The following ADAMTSL5 variants were observed in gnomAD, a reference collection of about 807,000 sequenced individuals.
The protein encoded by ADAMTSL5 is ADAMTS-like protein 5.
ADAMTSL5 carries 53 observed loss-of-function variants against 51.7 expected under a neutral mutation model. The observed-to-expected ratio is 1.03, with a 90% confidence interval of 0.82 to 1.29. ADAMTSL5 has a LOEUF of 1.29. ADAMTSL5 is among the 50% of genes most tolerant of loss of function. The probability of loss-of-function intolerance (pLI) is 0.00; values close to 1 mark genes in which losing one functional copy is unlikely to be tolerated. For missense variants in ADAMTSL5, 770 were observed against 676.2 expected, an observed-to-expected ratio of 1.14 and a Z score of -1.54; for synonymous variants, 285 against 278.7, an observed-to-expected ratio of 1.02 and a Z score of -0.23.
chr19:1,507,076 A>G, intron 9 of ADAMTSL5, 148 bp from the exon 10 acceptor site: 2 of 1,219,648 alleles, frequency 1.6e-6, no homozygotes, highest in Non-Finnish European at 2.2e-6. Context: ...ATCCCCTCTG[A>G]CCCTGTCCCC....
In ADAMTSL5 at chr19:1,505,950, C is replaced by T. The variant is rs894717649; in HGVS notation, c.*65G>A. On this transcript the variant is annotated 3_prime_UTR_variant, in exon 12 of 12. Transcript: ENST00000330475. ...GGAAGCCAGGGTGAGAGGGGAAATA[C>T]GTTGACGTTGAGGCTGGTCAGATGT... 4.2e-6 allele frequency: 6 copies of T among 1,440,740 alleles called. No individual in the cohort carries two copies. Among genetic ancestry groups the T allele is most frequent in the Admixed American group, 5.4e-5 (2 of 37,004 alleles). 89.2% of individuals were successfully genotyped at this position (1,440,740 alleles called of 1,614,324 possible).
intron 6 of ADAMTSL5, 67 bp from the exon 7 acceptor site, chr19:1,508,176 T>A: frequency 1.4e-6 from 2 of 1,466,356 alleles, no homozygotes; most frequent in African/African-American, 2.2e-5. Context: ...GAAAGGGCAG[T>A]GCCTGGGAGC....
chr19:1,510,062 T>C, intron 5 of ADAMTSL5, 88 bp downstream of exon 5: 4 of 1,091,626 alleles, frequency 3.7e-6, no homozygotes, highest in Non-Finnish European at 5.2e-6. Flanking sequence ...TACCCTCTTC[T>C]CTTTGCAACC....
chr19:1,508,266 G>A (rs1913066910), intron 6 of ADAMTSL5, 157 bp from the exon 7 acceptor site: 3 of 1,150,226 alleles, frequency 2.6e-6, no homozygotes, highest in African/African-American at 1.6e-5. Flanking sequence ...TGGGCTTGGC[G>A]CCCGGGAGTG....
intron 7 of ADAMTSL5, 135 bp from the exon 8 acceptor site, chr19:1,507,778 T>G (rs1462328375): frequency 1.9e-6 from 2 of 1,036,960 alleles, no homozygotes; most frequent in Non-Finnish European, 2.9e-6. Flanking sequence ...CGTAAACGTT[T>G]GGAGTTACAA....
In ADAMTSL5 at chr19:1,507,979, G is replaced by A. The variant is rs749497749; in HGVS notation, c.601+19C>T. The A allele has an allele frequency of 5.1e-5, 80 of 1,572,844 alleles. No individual in the cohort carries two copies. The highest frequency in any genetic ancestry group is 6.8e-5 in the Non-Finnish European group (79 of 1,159,234). ...GCCCACTCTGACGTGTGTGCAGGGA[G>A]GGCGGGGCAGGTAGTCACCGGCGTC... On this transcript the variant is annotated intron_variant, in intron 7 of 11. Transcript: ENST00000330475.
chr19:1,509,245 A>T (rs1323665104), intron 5 of ADAMTSL5, among the ~76,000 whole-genome samples: 1 of 96,616 alleles, frequency 1.0e-5, no homozygotes, highest in Non-Finnish European at 1.9e-5. Context: ...ACAGAGCGAG[A>T]CTCCATCTCA....
At position 1,510,268 on chromosome 19, in the gene ADAMTSL5, G is replaced by T. The variant is rs376576492; in HGVS notation, c.253-10C>A. ...CCCCTGGGGGGCAGTCCTAGGGACAGAGATAGGTGAGCCAGAGGCTGGGAC... is the reference window on the plus strand; with the variant it reads ...CCCCTGGGGGGCAGTCCTAGGGACATAGATAGGTGAGCCAGAGGCTGGGAC... On this transcript the variant is annotated splice_polypyrimidine_tract_variant and intron_variant, in intron 4 of 11. Coordinates refer to ENST00000330475, the MANE Select transcript of ADAMTSL5 (RefSeq NM_213604.3). 6.2e-7 allele frequency: 1 copy of T among 1,613,246 alleles called. No homozygotes were observed. The highest frequency in any genetic ancestry group is 8.5e-7 in the Non-Finnish European group (1 of 1,179,694).
intron 1 of ADAMTSL5, chr19:1,511,592 C>T (rs188210795): frequency 2.4e-6 from 3 of 1,265,498 alleles, no homozygotes; most frequent in Non-Finnish European, 3.1e-6. Flanking sequence ...GCTGGGGCCC[C>T]CTCCCCGCCC....
rs543863194 is a variant in ADAMTSL5, at chr19:1,506,744, G to A, written c.1037C>T (p.Ala346Val). The A allele has an allele frequency of 6.4e-6, 10 of 1,556,064 alleles. No homozygotes were observed. The Admixed American group carries it at 1.8e-4, about 28-fold the overall frequency. ...CCTGGCTGTCCCCACCTCACCTGGG[G>A]CCAGCGTTGGGGTCTGTGCAGGGGT... ...AVTPAQTPTL[A>V]PDPCPPCPDT... Residue 346 changes from alanine to valine, a missense_variant, in exon 10 of 12, where the codon GCC becomes GTC. Ala to Val is a moderately conservative substitution (Grantham distance 64). Coordinates refer to ENST00000330475, the MANE Select transcript of ADAMTSL5 (RefSeq NM_213604.3). The surrounding 1 kb of genome is among the most constrained non-coding windows in gnomAD (Gnocchi z 5.6).
rs1481162443 is a variant in ADAMTSL5 at position 1,511,172 on chromosome 19, A to ATTGT, written c.-217-16_-217-13dup. The ATTGT allele has an allele frequency of 9.5e-6, 3 of 315,188 alleles. No individual in the cohort carries two copies. The highest frequency in any genetic ancestry group is 1.6e-5 in the Non-Finnish European group (3 of 189,724). The allele number at this position is 315,188 out of a possible 1,614,324, so 19.5% of individuals were successfully genotyped here. On this transcript the variant is annotated splice_polypyrimidine_tract_variant and intron_variant, in intron 1 of 11. Transcript: ENST00000330475. ...ACTCAGAATGTCATCTGCAATTATTATTGTTGTTAGTTAGTTTGTTTTTGA... is the reference window on the plus strand; with the variant it reads ...ACTCAGAATGTCATCTGCAATTATTATTGTTTGTTGTTAGTTAGTTTGTTTTTGA...
At position 1,507,332 on chromosome 19, in the gene ADAMTSL5, C is replaced by T. The variant is rs140222085; in HGVS notation, c.762G>A (p.Ala254=). The change falls in exon 9 of 12, where the codon GCG becomes GCA. Residue 254 remains alanine, a synonymous_variant. Transcript: ENST00000330475. ...GGGTGTAGACCACATGCGTGCCGGC[C>T]GCCTCGTAGGTCCCTGGTGGGCTGA... ...WVVSPPGTYE[A]AGTHVVYTRD... 80 of 1,595,382 alleles carry T rather than the reference C, an allele frequency of 5.0e-5. No homozygotes were observed. The highest frequency in any genetic ancestry group is 8.7e-5 in the Admixed American group (5 of 57,704).
chr19:1,507,949 A>G, intron 7 of ADAMTSL5, 49 bp downstream of exon 7: 1 of 1,527,052 alleles, frequency 6.5e-7, no homozygotes, highest in Non-Finnish European at 8.9e-7. Flanking sequence ...ACGGCTCGTT[A>G]AAGGGCCCAC....
rs1238748267 is a variant in ADAMTSL5 at position 1,506,702 on chromosome 19, C to A, written c.1042+37G>T. 2 of 1,547,764 alleles carry A rather than the reference C, an allele frequency of 1.3e-6. No homozygotes were observed. The highest frequency in any genetic ancestry group is 2.8e-5 in the African/African-American group (2 of 72,604). The stretch of plus-strand genomic sequence containing the variant: ...TGCTGTGAGGGGCACAGGCCTCAGT[C>A]CCCACTCATCCCCCACCCTGGCTGT... On this transcript the variant is annotated intron_variant, in intron 10 of 11. Coordinates refer to ENST00000330475, the MANE Select transcript of ADAMTSL5 (RefSeq NM_213604.3). This position sits in a 1 kb window ranked among gnomAD's most constrained non-coding sequence, Gnocchi z 5.6.
rs141903537 is a variant in ADAMTSL5, at chr19:1,506,215, G to A, written c.1216C>T (p.Arg406Cys). The change falls in exon 12 of 12, where the codon CGC (arginine) becomes TGC (cysteine). Residue 406 changes from arginine (R) to cysteine (C), a missense_variant. Coordinates refer to ENST00000330475, the MANE Select transcript of ADAMTSL5 (RefSeq NM_213604.3). This position sits in a 1 kb window ranked among gnomAD's most constrained non-coding sequence, Gnocchi z 5.6. ...TGGCCTGGCGCCCACACGTACTCGCGTGCCCGCAGTGGCGAGCGGTTCTTG... is the reference window on the plus strand; with the variant it reads ...TGGCCTGGCGCCCACACGTACTCGCATGCCCGCAGTGGCGAGCGGTTCTTG... The part of the protein sequence containing the change: ...VYKNRSPLRA[R>C]EYVWAPGHCP... 5.6e-6 allele frequency: 9 copies of A among 1,603,878 alleles called. No homozygotes were observed. In the African/African-American group the frequency reaches 6.7e-5, roughly 12 times the overall value.
intron 1 of ADAMTSL5, among the ~76,000 whole-genome samples, chr19:1,512,498 T>C (rs1913312492): frequency 6.6e-6 from 1 of 152,104 alleles, no homozygotes; most frequent in Non-Finnish European, 1.5e-5. Flanking sequence ...CTGACCAACA[T>C]GGTAAAACCC....
In ADAMTSL5 at chr19:1,506,805, C is replaced by G. The variant is rs768921258; in HGVS notation, c.976G>C (p.Gly326Arg). Residue 326 changes from glycine to arginine, a missense_variant, in exon 10 of 12, where the codon GGG becomes CGG. Physicochemically the swap from Gly to Arg is moderately radical, Grantham distance 125 (BLOSUM62 -2). Transcript: ENST00000330475. This position sits in a 1 kb window ranked among gnomAD's most constrained non-coding sequence, Gnocchi z 5.6. ...GWPLRQPQPR[G>R]VEPQPPAAPA... ...GCTGCGGGGGGCTGAGGCTCCACCC[C>G]CCGGGGCTGAGGCTGCCTCAGGGGC... 1.1e-5 allele frequency: 17 copies of G among 1,541,594 alleles called. No homozygotes were observed. Among genetic ancestry groups the G allele is most frequent in the Non-Finnish European group, 1.5e-5 (17 of 1,144,442 alleles).
Position 1,507,377 on chromosome 19 carries a change from C to A in ADAMTSL5, c.717G>T (p.Val239=). The A allele has an allele frequency of 6.4e-7, 1 of 1,574,414 alleles. No individual in the cohort carries two copies. The highest frequency in any genetic ancestry group is 8.6e-7 in the Non-Finnish European group (1 of 1,159,330). The change falls in exon 9 of 12, where the codon GTG becomes GTT. Residue 239 remains valine, a synonymous_variant. Coordinates refer to ENST00000330475, the MANE Select transcript of ADAMTSL5 (RefSeq NM_213604.3). ...LALMGGDGRY[V]LNGHWVVSPP... ...GGCTGACCACCCAGTGCCCATTAAG[C>A]ACGTAGCGCCCATCGCCCCCCATCA...
At chr19:1,507,048 A>G in intron 9 of ADAMTSL5, 120 bp from the exon 10 acceptor site, 1 of 1,303,952 alleles carries the variant, frequency 7.7e-7, no homozygotes, top group Non-Finnish European at 1.0e-6. Flanking sequence ...CCCTCCTCTG[A>G]TGCTCTGTCC....
Sources: allele counts gnomAD v4.1 joint callset (sites outside exome capture counted in the v4.1 genomes callset), GRCh38; gene constraint gnomAD v4.1.1; non-coding constraint Gnocchi (gnomAD v3.1); transcripts MANE v1.5; gene names NCBI Gene and HGNC (gene_info 2026-07-23, HGNC 2026-07-21).